The following KYNU variants were observed in gnomAD, a reference collection of about 807,000 sequenced individuals.
KYNU encodes L-kynurenine hydrolase.
KYNU carries 54 observed loss-of-function variants against 59.2 expected under a neutral mutation model. The ratio of observed to expected loss-of-function variants is 0.91; its 90% CI spans 0.73 to 1.14. The LOEUF (loss-of-function observed/expected upper bound fraction) is 1.14. Among genes scored for constraint, KYNU ranks in the 50% most tolerant of loss-of-function variants. The pLI is 0.00. For synonymous variants in KYNU, 177 were observed against 192.0 expected (o/e 0.92, Z 0.65); for missense variants, 567 against 554.4 (o/e 1.02, Z -0.23).
intron 2 of KYNU, among the ~76,000 whole-genome samples, chr2:142,906,905 C>T (rs1682316867): frequency 6.6e-6 from 1 of 152,168 alleles, no homozygotes; most frequent in African/African-American, 2.4e-5. Flanking sequence ...GAAGCTGGTT[C>T]CAGGCAGACC....
intron 2 of KYNU, among the ~76,000 whole-genome samples, chr2:142,900,052 G>T (rs1682022656): frequency 6.6e-6 from 1 of 152,140 alleles, no homozygotes; most frequent in Non-Finnish European, 1.5e-5. Flanking sequence ...TGGAATCTTG[G>T]GCCATGCAGT....
rs373779659 is a variant in KYNU at position 143,016,442 on chromosome 2, A to G, written c.903-13185A>G. On this transcript the variant is annotated intron_variant, in intron 10 of 13. Coordinates refer to ENST00000264170, the MANE Select transcript of KYNU (RefSeq NM_003937.3). ...TTCTCAGTGGACATGAATTTTTTTAAATCATTACCAGAAAAGTCTCAAGTA... is the reference window on the plus strand; with the variant it reads ...TTCTCAGTGGACATGAATTTTTTTAGATCATTACCAGAAAAGTCTCAAGTA... Among the ~76,000 whole-genome samples the G allele has an allele frequency of 1.6e-4, 24 of 152,304 alleles. No individual in the cohort carries two copies. The East Asian group carries it at 3.3e-3, about 21-fold the overall frequency.
intron 13 of KYNU, among the ~76,000 whole-genome samples, chr2:143,041,427 T>G (rs993836094): frequency 1.3e-5 from 2 of 152,020 alleles, no homozygotes; most frequent in African/African-American, 2.4e-5. Flanking sequence ...GCTTGAAATT[T>G]TCATCCGTAT....
Position 143,051,748 on chromosome 2 carries a change from A to C in KYNU, c.*9576A>C, listed in dbSNP as rs1003705542. The C allele has an allele frequency of 6.6e-6, 1 of 152,192 alleles. No individual in the cohort carries two copies. The highest frequency in any genetic ancestry group is 2.4e-5 in the African/African-American group (1 of 41,434). 9.4% of individuals were successfully genotyped at this position (152,192 alleles called of 1,614,324 possible). On this transcript the variant is annotated 3_prime_UTR_variant, in exon 14 of 14. Transcript: ENST00000264170. ...TGTGAGGCCTCCCCCGCCATGTGGA[A>C]TTGGGTCTTACTTTTGTAAATTGCC... is the stretch of plus-strand genomic sequence containing the variant.
At chr2:142,921,362 C>T (rs1682876790) in intron 3 of KYNU, among the ~76,000 whole-genome samples, 1 of 152,166 alleles carries the variant, frequency 6.6e-6, no homozygotes, top group Non-Finnish European at 1.5e-5. Context: ...TTTTAGGAGG[C>T]TTTGCTTAAG....
At chr2:143,023,861 A>C (rs1281045747) in intron 10 of KYNU, among the ~76,000 whole-genome samples, 1 of 151,890 alleles carries the variant, frequency 6.6e-6, no homozygotes, top group East Asian at 1.9e-4. Context: ...AAGCTTTAGA[A>C]ATAGAAAATA....
At chr2:142,898,978 G>A (rs901258787) in intron 2 of KYNU, among the ~76,000 whole-genome samples, 6 of 152,168 alleles carry the variant, frequency 3.9e-5, no homozygotes, top group African/African-American at 1.2e-4. Flanking sequence ...TGCTGGATCA[G>A]GAGCACAGCA....
intron 2 of KYNU, among the ~76,000 whole-genome samples, chr2:142,893,366 A>C (rs2104928460): frequency 6.6e-6 from 1 of 152,344 alleles, no homozygotes; most frequent in East Asian, 1.9e-4. Flanking sequence ...AAGAAATCAG[A>C]GGGCTTGCCA....
chr2:142,928,608 AT>A (rs1573800823), intron 4 of KYNU, among the ~76,000 whole-genome samples: 2 of 152,204 alleles, frequency 1.3e-5, no homozygotes, highest in Admixed American at 1.3e-4. Context: ...AGAAAAAACT[AT>A]GGCAACTGGC....
Position 143,053,227 on chromosome 2 carries a change from C to CCA in KYNU, c.*11056_*11057insAC, listed in dbSNP as rs1333227171. ...ACTAACTTGCTTTTGATTTTACAGG[C>CCA]CCATAGGTGGAAGGGCGATGTTTCT... is the stretch of plus-strand genomic sequence containing the variant. On this transcript the variant is annotated 3_prime_UTR_variant, in exon 14 of 14. Transcript: ENST00000264170. The CCA allele has an allele frequency of 1.3e-5, 2 of 152,212 alleles. No individual in the cohort carries two copies. The highest frequency in any genetic ancestry group is 2.9e-5 in the Non-Finnish European group (2 of 68,096). 9.4% of individuals were successfully genotyped at this position (152,212 alleles called of 1,614,324 possible). A position where few individuals can be genotyped will look rare whatever the true frequency, so the allele number is the denominator to read the frequency against.
intron 2 of KYNU, among the ~76,000 whole-genome samples, chr2:142,913,258 C>G (rs533875430): frequency 2.6e-5 from 4 of 152,106 alleles, no homozygotes; most frequent in African/African-American, 4.8e-5. Flanking sequence ...TCTTGCTTTT[C>G]TAGTTCCTCT....
chr2:143,002,007 C>T (rs1341493852), intron 10 of KYNU, among the ~76,000 whole-genome samples: 1 of 152,078 alleles, frequency 6.6e-6, no homozygotes, highest in Non-Finnish European at 1.5e-5. Flanking sequence ...CTTAAATGTT[C>T]TATGGGATTT....
Position 143,042,231 on chromosome 2 carries a change from T to C in KYNU, c.*59T>C. On this transcript the variant is annotated 3_prime_UTR_variant, in exon 14 of 14. Transcript: ENST00000264170. ...CTGAAAGCTGCTGTGGTTATTTCAG[T>C]ATTATTCGATTTTTAATTATTGAAA... 1.3e-6 allele frequency: 2 copies of C among 1,516,600 alleles called. No individual in the cohort carries two copies. The highest frequency in any genetic ancestry group is 3.4e-5 in the Admixed American group (2 of 59,122). The allele number at this position is 1,516,600 out of a possible 1,614,324, so 93.9% of individuals were successfully genotyped here. A position where few individuals can be genotyped will look rare whatever the true frequency, so the allele number is the denominator to read the frequency against.
Position 143,051,398 on chromosome 2 carries a change from G to A in KYNU, c.*9226G>A, listed in dbSNP as rs1456981476. ...CAGGAAGAGTGCTCATTTTAATTGA[G>A]CTGATCATGTTTCTAGGATTTTTTA... On this transcript the variant is annotated 3_prime_UTR_variant, in exon 14 of 14. Coordinates refer to ENST00000264170, the MANE Select transcript of KYNU (RefSeq NM_003937.3). 1.3e-5 allele frequency: 2 copies of A among 151,974 alleles called. No homozygotes were observed. Among genetic ancestry groups the A allele is most frequent in the Non-Finnish European group, 2.9e-5 (2 of 67,984 alleles). The allele number at this position is 151,974 out of a possible 1,614,324, so 9.4% of individuals were successfully genotyped here. A position where few individuals can be genotyped will look rare whatever the true frequency, so the allele number is the denominator to read the frequency against.
In KYNU at chr2:142,972,813, T is replaced by TAGAGAG. The variant is rs66473877; in HGVS notation, c.729+12065_729+12070dup. Among the ~76,000 whole-genome samples, 61 of 124,218 alleles carry TAGAGAG rather than the reference T, an allele frequency of 4.9e-4. 1 individual carries two copies. The highest frequency in any genetic ancestry group is 1.5e-3 in the East Asian group (6 of 4,080). 81.5% of individuals were successfully genotyped at this position (124,218 alleles called of 152,430 possible). On this transcript the variant is annotated intron_variant, in intron 8 of 13. Coordinates refer to ENST00000264170, the MANE Select transcript of KYNU (RefSeq NM_003937.3). ...GGCCATATATATATATATATATATATAGAGAGAGAGAGAGAGAGAGAGAGA... is the reference window on the plus strand; with the variant it reads ...GGCCATATATATATATATATATATATAGAGAGAGAGAGAGAGAGAGAGAGAGAGAGA...
intron 4 of KYNU, among the ~76,000 whole-genome samples, chr2:142,930,195 C>T (rs1683164930): frequency 6.6e-6 from 1 of 152,084 alleles, no homozygotes; most frequent in East Asian, 1.9e-4. Flanking sequence ...TTCCCCAGGC[C>T]TCTTAGGAAT....
intron 8 of KYNU, among the ~76,000 whole-genome samples, chr2:142,961,204 A>AT (rs398042732): frequency 6.6e-6 from 1 of 151,082 alleles, no homozygotes; most frequent in Non-Finnish European, 1.5e-5. Context: ...AAAAAAAAAA[A>AT]GCGAGTAAAT....
chr2:142,919,939 G>T (rs1295949214), intron 3 of KYNU, among the ~76,000 whole-genome samples: 1 of 152,110 alleles, frequency 6.6e-6, no homozygotes, highest in African/African-American at 2.4e-5. Context: ...TGGCATGGTG[G>T]CAAGTGCCTG....
intron 4 of KYNU, among the ~76,000 whole-genome samples, chr2:142,953,117 A>G (rs761047757): frequency 1.3e-5 from 2 of 152,204 alleles, no homozygotes; most frequent in African/African-American, 4.8e-5. Flanking sequence ...CAAGTAAGAG[A>G]CTGATAAATC....
Sources: gnomAD v4.1 joint callset for allele counts (sites outside exome capture counted in the v4.1 genomes callset) on GRCh38, gnomAD v4.1.1 for gene constraint, MANE v1.5 for transcripts, NCBI Gene and HGNC (gene_info 2026-07-23, HGNC 2026-07-21) for gene names.